The following ROBO2 variants were observed in gnomAD, a reference collection of about 807,000 sequenced individuals.
ROBO2 encodes the protein roundabout guidance receptor 2, also known as roundabout homolog 2.
In ROBO2, 53 loss-of-function variants were observed where a neutral mutation model predicts 160.8. The ratio of observed to expected loss-of-function variants is 0.33; its 90% CI spans 0.26 to 0.41. The LOEUF is 0.41. ROBO2 is among the 10% of genes least tolerant of loss of function. ROBO2 has a pLI of 1.00. For missense variants in ROBO2, 1,577 were observed against 1,722.4 expected, an observed-to-expected ratio of 0.92 and a Z score of 1.49; for synonymous variants, 664 against 611.7, an observed-to-expected ratio of 1.09 and a Z score of -1.26.
At chr3:77,131,106 G>A (rs1018074516) in intron 2 of ROBO2, among the ~76,000 whole-genome samples, 6 of 152,094 alleles carry the variant, frequency 3.9e-5, no homozygotes, top group Admixed American at 1.3e-4. Flanking sequence ...TACAGATCCA[G>A]CATATTCTCT....
intron 2 of ROBO2, among the ~76,000 whole-genome samples, chr3:76,077,519 T>C (rs2068682526): frequency 6.6e-6 from 1 of 152,122 alleles, no homozygotes. Context: ...ACCAAGATCG[T>C]GCCACTGCAC....
chr3:76,451,356 C>G (rs138442189), intron 2 of ROBO2, among the ~76,000 whole-genome samples: 410 of 152,262 alleles, frequency 2.7e-3, no homozygotes, highest in African/African-American at 9.7e-3. Flanking sequence ...TCTTTTGATT[C>G]TTAATGCCAC....
intron 2 of ROBO2, among the ~76,000 whole-genome samples, chr3:77,457,745 TTTAAGTGTTTAAACCAGA>T (rs1389074956): frequency 2.0e-5 from 3 of 152,102 alleles, no homozygotes; most frequent in South Asian, 2.1e-4. Context: ...AGCTAATGAA[TTTAAGTGTTTAAACCAGA>T]TTATTCTGTC....
intron 2 of ROBO2, among the ~76,000 whole-genome samples, chr3:77,396,717 G>A (rs976774474): frequency 6.6e-6 from 1 of 152,078 alleles, no homozygotes; most frequent in Admixed American, 6.6e-5. Context: ...CAATGAGGAT[G>A]GAGAGTTCAA....
intron 2 of ROBO2, among the ~76,000 whole-genome samples, chr3:77,225,694 A>C (rs1235995186): frequency 6.6e-6 from 1 of 152,046 alleles, no homozygotes; most frequent in Non-Finnish European, 1.5e-5. Flanking sequence ...AATTCTATGC[A>C]TATTCACTGT....
chr3:76,717,583 G>A lies in ROBO2; in HGVS notation c.110-380431G>A, dbSNP rs116745782. Among the ~76,000 whole-genome samples, 1,433 of 152,092 alleles carry A rather than the reference G, an allele frequency of 9.4e-3. 27 individuals are homozygous for A. The highest frequency in any genetic ancestry group is 0.032 in the African/African-American group (1,348 of 41,484). On this transcript the variant is annotated intron_variant, in intron 2 of 26. Transcript: ENST00000487694. ...TGTGAGTATTGTGTATTTGCACCAC[G>A]GAATATCAGCTGAGTTTGGTGCTTC...
chr3:76,726,040 TAG>T (rs1339956467), intron 2 of ROBO2, among the ~76,000 whole-genome samples: 2 of 152,174 alleles, frequency 1.3e-5, no homozygotes, highest in Non-Finnish European at 2.9e-5. Context: ...AAACCATCCT[TAG>T]AGTACCCAAG....
chr3:77,055,082 A>G (rs1020367110), intron 1 of ROBO2, among the ~76,000 whole-genome samples: 5 of 151,938 alleles, frequency 3.3e-5, no homozygotes, highest in Non-Finnish European at 5.9e-5. Context: ...AAAAAAAAAA[A>G]CTACCAGATA....
intron 2 of ROBO2, among the ~76,000 whole-genome samples, chr3:77,218,043 A>G (rs1580098476): frequency 6.6e-6 from 1 of 152,202 alleles, no homozygotes; most frequent in Non-Finnish European, 1.5e-5. Flanking sequence ...AAGAGATTTT[A>G]TCAAATCTAT....
intron 2 of ROBO2, among the ~76,000 whole-genome samples, chr3:77,161,955 C>T (rs1342955447): frequency 6.6e-6 from 1 of 152,098 alleles, no homozygotes; most frequent in Non-Finnish European, 1.5e-5. Flanking sequence ...AATGTACCCA[C>T]AATATTTCTC....
chr3:76,679,056 T>C (rs1022540001), intron 2 of ROBO2, among the ~76,000 whole-genome samples: 1 of 152,214 alleles, frequency 6.6e-6, no homozygotes, highest in East Asian at 1.9e-4. Flanking sequence ...GGGACAAGTA[T>C]GGCAATGGCC....
intron 2 of ROBO2, among the ~76,000 whole-genome samples, chr3:76,744,356 T>C (rs373422550): frequency 9.1e-6 from 1 of 109,350 alleles, no homozygotes; most frequent in Non-Finnish European, 2.1e-5. Flanking sequence ...TCCTTTTCCT[T>C]CTTCTTCTTC....
chr3:76,950,455 T>C (rs1213115271), intron 2 of ROBO2, among the ~76,000 whole-genome samples: 1 of 152,190 alleles, frequency 6.6e-6, no homozygotes, highest in Non-Finnish European at 1.5e-5. Flanking sequence ...TCTGAAGCCA[T>C]TTGTGATAAA....
intron 2 of ROBO2, among the ~76,000 whole-genome samples, chr3:76,784,907 C>T (rs2062874868): frequency 6.6e-6 from 1 of 151,196 alleles, no homozygotes; most frequent in Admixed American, 6.6e-5. Context: ...TCACTTTCTT[C>T]TGTGTGAGAA....
intron 2 of ROBO2, among the ~76,000 whole-genome samples, chr3:76,827,977 T>C (rs1450568252): frequency 1.3e-5 from 2 of 152,096 alleles, no homozygotes; most frequent in Non-Finnish European, 2.9e-5. Flanking sequence ...TAATAAACTG[T>C]GAGTTAAGGG....
chr3:76,261,205 T>TGTG (rs201526041), intron 2 of ROBO2, among the ~76,000 whole-genome samples: 25,388 of 137,192 alleles, frequency 0.19, 3,776 homozygotes, highest in Middle Eastern at 0.31. Flanking sequence ...TGTGTGTGTA[T>TGTG]ATATATATAT....
intron 2 of ROBO2, among the ~76,000 whole-genome samples, chr3:76,178,351 A>G (rs2073303114): frequency 6.6e-6 from 1 of 152,164 alleles, no homozygotes; most frequent in Non-Finnish European, 1.5e-5. Flanking sequence ...TTTCCCAAAA[A>G]TAGCTTTGCA....
At position 77,027,158 on chromosome 3, in the gene ROBO2, A is replaced by G. The variant is rs190556661; in HGVS notation, c.110-70856A>G. ...TATAATTCTGTTCCTCAGTTGAAGCACTATTATTTTGAGGAAAATTAATGT... is the reference window on the plus strand; with the variant it reads ...TATAATTCTGTTCCTCAGTTGAAGCGCTATTATTTTGAGGAAAATTAATGT... On this transcript the variant is annotated intron_variant, in intron 2 of 26. Transcript: ENST00000487694. 2.6e-3 allele frequency among the ~76,000 whole-genome samples: 390 copies of G among 152,368 alleles called. 4 individuals carry two copies. Among genetic ancestry groups the G allele is most frequent in the African/African-American group, 8.5e-3 (355 of 41,586 alleles).
At chr3:76,947,040 C>T (rs1304567602) in intron 2 of ROBO2, among the ~76,000 whole-genome samples, 1 of 152,106 alleles carries the variant, frequency 6.6e-6, no homozygotes, top group African/African-American at 2.4e-5. Flanking sequence ...CACTGTTACT[C>T]CATCTTGGCT....
Sources: gnomAD v4.1 joint callset for allele counts (sites outside exome capture counted in the v4.1 genomes callset) on GRCh38, gnomAD v4.1.1 for gene constraint, MANE v1.5 for transcripts, NCBI Gene and HGNC (gene_info 2026-07-23, HGNC 2026-07-21) for gene names.